The following CD8B variants were observed in gnomAD, a reference collection of about 807,000 sequenced individuals.
CD8B encodes the protein CD8 subunit beta.
A neutral mutation model predicts 24.2 loss-of-function variants in CD8B; 6 were observed. That is an observed-to-expected ratio of 0.25 (90% CI 0.14 to 0.49). CD8B has a LOEUF of 0.49. Ranked by LOEUF, CD8B falls within the 20% of genes least tolerant of loss-of-function variation. The pLI, the probability that CD8B is intolerant of heterozygous loss-of-function variation, is 0.98. For missense variants in CD8B, 196 were observed against 271.3 expected (o/e 0.72, Z 1.95); for synonymous variants, 84 against 108.3 (o/e 0.78, Z 1.39).
chr2:86,820,164 T>C (rs913816034), intron 5 of CD8B, among the ~76,000 whole-genome samples: 2 of 152,234 alleles, frequency 1.3e-5, no homozygotes, highest in Non-Finnish European at 2.9e-5. Flanking sequence ...GGTGTGAACA[T>C]TGTTGAAATG....
In CD8B at chr2:86,856,109, C is replaced by T. The variant is rs1284818190; in HGVS notation, c.403+1948G>A. On this transcript the variant is annotated intron_variant, in intron 2 of 5. Coordinates refer to ENST00000390655, the MANE Select transcript of CD8B (RefSeq NM_004931.5). ...TGGGTGAGAAGGTGGGGTTCGGCTC[C>T]GAAGAAGGTCTGGTTGCAAGCCCTG... Among the ~76,000 whole-genome samples the T allele has an allele frequency of 5.3e-5, 8 of 152,168 alleles. No homozygotes were observed. In the East Asian group the frequency reaches 9.7e-4, roughly 18 times the overall value.
At chr2:86,837,933 C>T (rs1471028772), downstream of CD8B, among the ~76,000 whole-genome samples, 10 of 152,254 alleles carry the variant, frequency 6.6e-5, no homozygotes, top group East Asian at 5.8e-4. Context: ...GAGTGCAGCC[C>T]ACCCCTGCCA....
intron 5 of CD8B, among the ~76,000 whole-genome samples, chr2:86,821,270 C>T (rs1351138075): frequency 6.6e-6 from 1 of 152,076 alleles, no homozygotes; most frequent in Admixed American, 6.5e-5. Flanking sequence ...TGGAGTGAGG[C>T]CGCCTGGGGT....
intron 5 of CD8B, among the ~76,000 whole-genome samples, chr2:86,816,488 AG>A (rs951619291): frequency 2.0e-5 from 3 of 152,154 alleles, no homozygotes; most frequent in African/African-American, 7.2e-5. Flanking sequence ...CTGAAGGGTA[AG>A]GGGGGGACCC....
intron 5 of CD8B, among the ~76,000 whole-genome samples, chr2:86,832,231 C>A (rs1674929320): frequency 6.6e-6 from 1 of 152,142 alleles, no homozygotes; most frequent in Non-Finnish European, 1.5e-5. Context: ...GTAATCCCAG[C>A]ACTTTGGGAG....
At chr2:86,846,329 G>GC (rs773974148) in intron 4 of CD8B, among the ~76,000 whole-genome samples, 85 of 152,272 alleles carry the variant, frequency 5.6e-4, no homozygotes, top group South Asian at 2.5e-3. Flanking sequence ...CCCACTCACT[G>GC]ACACGTGCCG....
At chr2:86,843,869 G>A (rs879446632) in intron 5 of CD8B, among the ~76,000 whole-genome samples, 2 of 152,198 alleles carry the variant, frequency 1.3e-5, no homozygotes, top group Non-Finnish European at 2.9e-5. Flanking sequence ...ATGGTGATTG[G>A]CAGACGGGAT....
At chr2:86,861,260 C>T (rs560996439) in intron 1 of CD8B, among the ~76,000 whole-genome samples, 6 of 152,196 alleles carry the variant, frequency 3.9e-5, no homozygotes, top group Admixed American at 3.9e-4. Context: ...ACCCAACCTC[C>T]AGGCTGCTTC....
chr2:86,836,921 C>T (rs372355176), downstream of CD8B, among the ~76,000 whole-genome samples: 10 of 152,010 alleles, frequency 6.6e-5, no homozygotes, highest in East Asian at 7.8e-4. Context: ...TTTGGGAGGC[C>T]GAGATGGATG....
At chr2:86,822,349 A>G (rs1674512915) in intron 5 of CD8B, 4 of 1,590,948 alleles carry the variant, frequency 2.5e-6, no homozygotes, top group East Asian at 4.5e-5. Flanking sequence ...ATTCTGGAAC[A>G]TTTCTCCAGT....
intron 2 of CD8B, among the ~76,000 whole-genome samples, 161 bp downstream of exon 2, chr2:86,857,896 T>C (rs1676353306): frequency 6.6e-6 from 1 of 152,188 alleles, no homozygotes; most frequent in African/African-American, 2.4e-5. Context: ...TGGAGGGGCT[T>C]GGCCTGGGTA....
At chr2:86,824,451 GGCAAGAAGCCACGTGCTCCAGGCCAAAGA>G in intron 5 of CD8B, among the ~76,000 whole-genome samples, 1 of 152,172 alleles carries the variant, frequency 6.6e-6, no homozygotes, top group South Asian at 2.1e-4. Context: ...GAGGCCAAAG[GGCAAGAAGCCACGTGCTCCAGGCCAAAGA>G]GCAGCTAAGG....
chr2:86,822,297 C>G (rs767657960), intron 5 of CD8B: 76 of 1,401,490 alleles, frequency 5.4e-5, no homozygotes, highest in Non-Finnish European at 7.3e-5. Flanking sequence ...AAAGCAATAT[C>G]AGAAGCTATC....
intron 5 of CD8B, among the ~76,000 whole-genome samples, chr2:86,826,243 C>T (rs1251642671): frequency 6.6e-6 from 1 of 152,076 alleles, no homozygotes; most frequent in East Asian, 1.9e-4. Flanking sequence ...GCCGTCACCC[C>T]TGCCTTTTGT....
chr2:86,853,054 T>C lies in CD8B; in HGVS notation c.436A>G (p.Lys146Glu), dbSNP rs1477843313. ...ACTCTCTTCTTGAGGGTGGACTTCT[T>C]GGTGGGCTGGGCAGTGGTGGGAAGG... is the stretch of plus-strand genomic sequence containing the variant. ...DFLPTTAQPT[K>E]KSTLKKRVCR... The change falls in exon 3 of 6, where the codon AAG becomes GAG. Residue 146 changes from lysine to glutamate, a missense_variant. Coordinates refer to ENST00000390655, the MANE Select transcript of CD8B (RefSeq NM_004931.5). 2 of 1,543,020 alleles carry C rather than the reference T, an allele frequency of 1.3e-6. No homozygotes were observed. The highest frequency in any genetic ancestry group is 2.4e-5 in the South Asian group (2 of 83,556).
downstream of CD8B, among the ~76,000 whole-genome samples, chr2:86,838,003 C>T (rs2104531462): frequency 6.6e-6 from 1 of 152,330 alleles, no homozygotes; most frequent in South Asian, 2.1e-4. Context: ...GTAGCTCGCC[C>T]AAAGTCTACA....
intron 5 of CD8B, among the ~76,000 whole-genome samples, chr2:86,817,676 G>A (rs545797077): frequency 2.0e-5 from 3 of 152,276 alleles, no homozygotes; most frequent in Admixed American, 6.5e-5. Context: ...TCAAGATAGG[G>A]TATGCAGTAT....
At chr2:86,854,060 C>G (rs910340907) in intron 2 of CD8B, among the ~76,000 whole-genome samples, 1 of 152,184 alleles carries the variant, frequency 6.6e-6, no homozygotes, top group Non-Finnish European at 1.5e-5. Flanking sequence ...CCCTGATTAA[C>G]CGCTGTGTGA....
At chr2:86,829,192 T>C (rs1044003651) in intron 5 of CD8B, among the ~76,000 whole-genome samples, 2 of 142,098 alleles carry the variant, frequency 1.4e-5, no homozygotes, top group African/African-American at 2.5e-5. Context: ...CTCCGCCTCC[T>C]GGGTTTAAGC....
Sources: gnomAD v4.1 joint callset for allele counts (sites outside exome capture counted in the v4.1 genomes callset) on GRCh38, gnomAD v4.1.1 for gene constraint, MANE v1.5 for transcripts, NCBI Gene and HGNC (gene_info 2026-07-23, HGNC 2026-07-21) for gene names.